CPM: variants seen among roughly 807,000 people sequenced by gnomAD.
CPM encodes renal carboxypeptidase.
In CPM, 35 loss-of-function variants were observed where a neutral mutation model predicts 46.4. The observed-to-expected ratio is 0.75, with a 90% confidence interval of 0.58 to 1.00. The LOEUF is 1.00. Among genes scored for constraint, CPM ranks in the 50% least tolerant of loss-of-function variants. The pLI, the probability that CPM is intolerant of heterozygous loss-of-function variation, is 0.00. For synonymous variants in CPM, 195 were observed against 195.3 expected (o/e 1.00, Z 0.01); for missense variants, 422 against 530.4 (o/e 0.80, Z 2.01).
chr12:68,875,172 A>C (rs1165796233), intron 3 of CPM, among the ~76,000 whole-genome samples: 1 of 151,394 alleles, frequency 6.6e-6, no homozygotes, highest in Non-Finnish European at 1.5e-5. Flanking sequence ...GCAACATGGT[A>C]AAACCTCGTC....
chr12:68,950,019 C>G (rs1430034222), intron 1 of CPM, among the ~76,000 whole-genome samples: 1 of 152,162 alleles, frequency 6.6e-6, no homozygotes, highest in Non-Finnish European at 1.5e-5. Context: ...GAGCCATCCT[C>G]TGAGGCCAGA....
chr12:68,845,287 T>TTA (rs1477863842), intron 5 of CPM: 2 of 214,012 alleles, frequency 9.3e-6, no homozygotes, highest in African/African-American at 4.5e-5. Context: ...CAGCTTTCAA[T>TTA]TATATGTAAG....
chr12:68,889,420 A>G (rs1238058107), intron 2 of CPM, among the ~76,000 whole-genome samples: 5 of 152,230 alleles, frequency 3.3e-5, no homozygotes, highest in African/African-American at 7.2e-5. Flanking sequence ...AGAATTTATA[A>G]CATTAAAATA....
intron 3 of CPM, among the ~76,000 whole-genome samples, chr12:68,872,252 C>CTTTT (rs10659287): frequency 2.6e-4 from 30 of 117,210 alleles, no homozygotes; most frequent in African/African-American, 4.5e-4. Flanking sequence ...CTGCTGCTTC[C>CTTTT]TTTTTTTTTT....
At position 68,871,905 on chromosome 12, in the gene CPM, C is replaced by T. The variant is rs1473817298; in HGVS notation, c.310G>A (p.Asp104Asn). The T allele has an allele frequency of 6.2e-7, 1 of 1,614,118 alleles. No homozygotes were observed. Among genetic ancestry groups the T allele is most frequent in the African/African-American group, 1.3e-5 (1 of 75,020 alleles). ...LHLIDYLVTS[D>N]GKDPEITNLI... The stretch of plus-strand genomic sequence containing the variant: ...TTTGTGATTTCAGGGTCTTTGCCAT[C>T]ACTGGTTACGAGATAGTCAATCAGA... The change falls in exon 4 of 9, where the codon GAT becomes AAT. Residue 104 changes from aspartate to asparagine, a missense_variant. Physicochemically the swap from Asp to Asn is conservative, Grantham distance 23. Transcript: ENST00000551568.
chr12:68,957,811 A>G, intron 1 of CPM: 1 of 152,216 alleles, frequency 6.6e-6, no homozygotes, highest in South Asian at 2.1e-4. Flanking sequence ...CATTTACATT[A>G]GGTATTTCTC....
intron 5 of CPM, chr12:68,844,704 CG>C: frequency 4.5e-6 from 1 of 219,988 alleles, no homozygotes; most frequent in Non-Finnish European, 9.1e-6. Flanking sequence ...CTAAGCCAGA[CG>C]GGGACTAGCT....
At chr12:68,934,045 C>T (rs1222162160), upstream of CPM, among the ~76,000 whole-genome samples, 1 of 152,062 alleles carries the variant, frequency 6.6e-6, no homozygotes, top group Non-Finnish European at 1.5e-5. Context: ...TGGTTTGTGG[C>T]ACGGGCCAAC....
chr12:68,871,660 G>A (rs766753755), intron 4 of CPM, 124 bp downstream of exon 4: 23 of 1,043,586 alleles, frequency 2.2e-5, no homozygotes, highest in East Asian at 7.2e-5. Flanking sequence ...GCACATCAGC[G>A]ACATGACACC....
intron 2 of CPM, among the ~76,000 whole-genome samples, chr12:68,900,486 A>C (rs769870863): frequency 6.6e-6 from 1 of 152,200 alleles, no homozygotes; most frequent in African/African-American, 2.4e-5. Flanking sequence ...GTCTTACAAA[A>C]CTAAACCTAC....
chr12:68,917,798 A>G (rs1199341242), intron 2 of CPM, among the ~76,000 whole-genome samples: 3 of 152,212 alleles, frequency 2.0e-5, no homozygotes, highest in African/African-American at 7.2e-5. Context: ...TAGCTACACG[A>G]CCAGCTCCCT....
At chr12:68,963,291 C>T (rs1889152594), upstream of CPM, 1 of 186,014 alleles carries the variant, frequency 5.4e-6, no homozygotes, top group Non-Finnish European at 1.1e-5. Flanking sequence ...GCTGGGTTTC[C>T]TCACTCCATC....
chr12:68,879,007 G>A (rs540215327), intron 3 of CPM, among the ~76,000 whole-genome samples: 1 of 152,272 alleles, frequency 6.6e-6, no homozygotes, highest in South Asian at 2.1e-4. Context: ...GAGCAACACT[G>A]TGGGACCCCA....
intron 1 of CPM, among the ~76,000 whole-genome samples, chr12:68,950,591 G>T (rs184509094): frequency 1.8e-4 from 28 of 152,252 alleles, no homozygotes; most frequent in African/African-American, 5.8e-4. Context: ...TCAGTCCAGG[G>T]CATTAGAGCC....
intron 2 of CPM, among the ~76,000 whole-genome samples, chr12:68,907,075 T>C (rs1887383343): frequency 6.6e-6 from 1 of 152,220 alleles, no homozygotes; most frequent in Non-Finnish European, 1.5e-5. Context: ...GAGCTCACAC[T>C]GTGACTGAGG....
At position 68,853,125 on chromosome 12, in the gene CPM, T is replaced by G. The variant is rs190409295; in HGVS notation, c.*3312A>C. On this transcript the variant is annotated 3_prime_UTR_variant, in exon 9 of 9. Coordinates refer to ENST00000551568, the MANE Select transcript of CPM (RefSeq NM_198320.5). ...TCTGATAGATAACTAAATTCTGATT[T>G]TAAAAACTATTTCAGCAAGAGATTT... The G allele has an allele frequency of 6.6e-6, 1 of 152,264 alleles. No homozygotes were observed. Among genetic ancestry groups the G allele is most frequent in the East Asian group, 1.9e-4 (1 of 5,192 alleles). 9.4% of individuals were successfully genotyped at this position (152,264 alleles called of 1,614,324 possible).
At chr12:68,870,082 G>T (rs1290574266) in intron 5 of CPM, 133 bp downstream of exon 5, 12 of 872,138 alleles carry the variant, frequency 1.4e-5, no homozygotes, top group Non-Finnish European at 1.7e-5. Flanking sequence ...GGCTAGAGTT[G>T]GGAACATGAA....
chr12:68,855,679 G>A lies in CPM; in HGVS notation c.*758C>T, dbSNP rs1884930831. On this transcript the variant is annotated 3_prime_UTR_variant, in exon 9 of 9. Coordinates refer to ENST00000551568, the MANE Select transcript of CPM (RefSeq NM_198320.5). ...CTTCTTCTGAGAACTAATTATATAT[G>A]GCACTTAATATCTATTCACATGTAG... 1.3e-5 allele frequency: 2 copies of A among 151,564 alleles called. No individual in the cohort carries two copies. The highest frequency in any genetic ancestry group is 1.3e-4 in the Admixed American group (2 of 15,226). The allele number at this position is 151,564 out of a possible 1,614,324, so 9.4% of individuals were successfully genotyped here.
chr12:68,893,719 G>A (rs968541579), intron 2 of CPM, among the ~76,000 whole-genome samples: 3 of 152,168 alleles, frequency 2.0e-5, no homozygotes, highest in Non-Finnish European at 2.9e-5. Context: ...AAATAGGCAG[G>A]CATTTGACTC....
Sources: allele counts gnomAD v4.1 joint callset (sites outside exome capture counted in the v4.1 genomes callset), GRCh38; gene constraint gnomAD v4.1.1; transcripts MANE v1.5; gene names NCBI Gene and HGNC (gene_info 2026-07-23, HGNC 2026-07-21).